INTS3: variants seen among roughly 807,000 people sequenced by gnomAD.
The protein encoded by INTS3 is SOSS complex subunit A.
A neutral mutation model predicts 146.3 loss-of-function variants in INTS3; 34 were observed. The observed-to-expected ratio is 0.23, with a 90% CI of 0.18 to 0.31. The LOEUF is 0.31. INTS3 is among the 10% of genes least tolerant of loss of function. The pLI is 1.00. For missense variants in INTS3, 757 were observed against 1,304.2 expected, an observed-to-expected ratio of 0.58 and a Z score of 6.46; for synonymous variants, 475 against 494.9, an observed-to-expected ratio of 0.96 and a Z score of 0.53.
intron 3 of INTS3, 98 bp downstream of exon 3, chr1:153,741,466 C>G: frequency 1.1e-6 from 1 of 892,988 alleles, no homozygotes; most frequent in South Asian, 1.3e-5. Flanking sequence ...AACTCTTCGA[C>G]CAGAGCTGGA....
Position 153,767,831 on chromosome 1 carries a change from A to G in INTS3, c.2244+4A>G, listed in dbSNP as rs144109967. On this transcript the variant is annotated splice_donor_region_variant and intron_variant, in intron 21 of 29. Transcript: ENST00000318967. ...CACGCCCTCCATCTACACAGAGGTC[A>G]GTGCCTGCATCCGTATCTGTGCCGG... 8.7e-6 allele frequency: 14 copies of G among 1,603,102 alleles called. No homozygotes were observed. The East Asian group carries it at 2.9e-4, about 33-fold the overall frequency.
chr1:153,760,414 T>G, intron 12 of INTS3, 24 bp downstream of exon 12: 1 of 1,587,988 alleles, frequency 6.3e-7, no homozygotes, highest in Non-Finnish European at 8.6e-7. Context: ...CTCTCTTTTC[T>G]CCCCATGCCT....
At chr1:153,747,107 G>C in intron 4 of INTS3, 37 bp downstream of exon 4, 1 of 1,465,322 alleles carries the variant, frequency 6.8e-7, no homozygotes, top group Non-Finnish European at 9.6e-7. Flanking sequence ...CCAGCTCAAA[G>C]AGAGAGGATG....
At chr1:153,769,395 C>T (rs1410520277) in intron 22 of INTS3, among the ~76,000 whole-genome samples, 1 of 152,132 alleles carries the variant, frequency 6.6e-6, no homozygotes, top group Admixed American at 6.5e-5. Context: ...TCCTCCTCTC[C>T]ACTTAGTTCT....
rs933936431 is a variant in INTS3 at position 153,772,810 on chromosome 1, T to C, written c.2894+99T>C. 6.3e-7 allele frequency: 1 copy of C among 1,579,566 alleles called. No homozygotes were observed. Among genetic ancestry groups the C allele is most frequent in the Non-Finnish European group, 8.6e-7 (1 of 1,159,716 alleles). On this transcript the variant is annotated intron_variant, in intron 28 of 29. Coordinates refer to ENST00000318967, the MANE Select transcript of INTS3 (RefSeq NM_023015.5). The surrounding 1 kb of genome is among the most constrained non-coding windows in gnomAD (Gnocchi z 4.6). ...CATAAACGTAATGGCCAGCAAGACC[T>C]TAGGGTCCAGGGTTGAAGAAAAAGA... is the stretch of plus-strand genomic sequence containing the variant.
At chr1:153,754,788 T>A (rs1182292780) in intron 9 of INTS3, 49 bp downstream of exon 9, 1 of 1,220,638 alleles carries the variant, frequency 8.2e-7, no homozygotes, top group South Asian at 1.2e-5. Flanking sequence ...CTGGCTGGGC[T>A]TCTTGCTTCG....
chr1:153,747,170 A>C (rs530173247), intron 4 of INTS3, 100 bp downstream of exon 4: 1 of 1,262,334 alleles, frequency 7.9e-7, no homozygotes, highest in East Asian at 2.3e-5. Context: ...ACACACCCCT[A>C]TCATTGTGTG....
chr1:153,734,139 C>T (rs1671197629), intron 1 of INTS3, among the ~76,000 whole-genome samples: 1 of 151,830 alleles, frequency 6.6e-6, no homozygotes, highest in Admixed American at 6.6e-5. Flanking sequence ...AATATTTACT[C>T]AGCTCTCTAA....
In INTS3 at chr1:153,760,910, G is replaced by A. The variant is rs1249828909; in HGVS notation, c.1401G>A (p.Arg467=). ...CCCTCAACCACATTGTGGAGAAACG[G>A]GTCTTGGCGTAAGGAATTTGGTGGG... ...FSSLNHIVEK[R]VLAHLAPLFD... The change falls in exon 13 of 30, where the codon CGG becomes CGA. Residue 467 remains arginine, a synonymous_variant. Coordinates refer to ENST00000318967, the MANE Select transcript of INTS3 (RefSeq NM_023015.5). 1.2e-6 allele frequency: 2 copies of A among 1,613,904 alleles called. No individual in the cohort carries two copies. The highest frequency in any genetic ancestry group is 1.7e-5 in the Admixed American group (1 of 60,024).
intron 3 of INTS3, among the ~76,000 whole-genome samples, chr1:153,742,478 C>CTGTGTGTGTGTG (rs35008806): frequency 0.011 from 1,671 of 147,528 alleles, 16 homozygotes; most frequent in Middle Eastern, 0.017. Flanking sequence ...TTTTTAATCT[C>CTGTGTGTGTGTG]TGTGTGTGTG....
At chr1:153,755,788 C>T (rs1403700495) in intron 9 of INTS3, among the ~76,000 whole-genome samples, 1 of 152,132 alleles carries the variant, frequency 6.6e-6, no homozygotes, top group Non-Finnish European at 1.5e-5. Flanking sequence ...CCTGTAAACC[C>T]AGCACTTTGG....
chr1:153,771,281 A>ACCTTTCTGCCTTCCTTCCAC (rs1553240961), intron 25 of INTS3, among the ~76,000 whole-genome samples: 1 of 151,936 alleles, frequency 6.6e-6, no homozygotes, highest in Non-Finnish European at 1.5e-5. Context: ...TATCCTTCCT[A>ACCTTTCTGCCTTCCTTCCAC]CCTTTCTGCC....
rs1032582958 is a variant in INTS3, at chr1:153,728,168, C to T, written c.-467C>T. 2.8e-5 allele frequency: 11 copies of T among 397,758 alleles called. No homozygotes were observed. Among genetic ancestry groups the T allele is most frequent in the Admixed American group, 4.4e-5 (1 of 22,666 alleles). 24.6% of individuals were successfully genotyped at this position (397,758 alleles called of 1,614,324 possible). ...ACCCTCACCCCCTAGGGGCCGGATC[C>T]AAAGGCGCTGCACTCCCCAAGCCTT... On this transcript the variant is annotated 5_prime_UTR_variant, in exon 1 of 30. Coordinates refer to ENST00000318967, the MANE Select transcript of INTS3 (RefSeq NM_023015.5).
At position 153,763,265 on chromosome 1, in the gene INTS3, A is replaced by G; in HGVS notation, c.1669A>G (p.Lys557Glu). The G allele has an allele frequency of 6.2e-7, 1 of 1,614,118 alleles. No individual in the cohort carries two copies. Among genetic ancestry groups the G allele is most frequent in the Non-Finnish European group, 8.5e-7 (1 of 1,179,998 alleles). ...GAGGGAGTTTCGCTTCCACCCTATC[A>G]AGGAGACAGTTGTGGAGGAGCCAGT... ...KKREFRFHPI[K>E]ETVVEEPVDI... Residue 557 changes from lysine (K) to glutamate (E), a missense_variant, in exon 16 of 30, where the codon AAG (lysine) becomes GAG (glutamate). Coordinates refer to ENST00000318967, the MANE Select transcript of INTS3 (RefSeq NM_023015.5).
chr1:153,772,844 G>A lies in INTS3; in HGVS notation c.2895-81G>A. The A allele has an allele frequency of 6.3e-7, 1 of 1,598,588 alleles. No homozygotes were observed. Among genetic ancestry groups the A allele is most frequent in the Non-Finnish European group, 8.6e-7 (1 of 1,169,234 alleles). On this transcript the variant is annotated intron_variant, in intron 28 of 29. Coordinates refer to ENST00000318967, the MANE Select transcript of INTS3 (RefSeq NM_023015.5). The surrounding 1 kb of genome is among the most constrained non-coding windows in gnomAD (Gnocchi z 4.6). ...AGGGTTGAAGAAAAAGAAGGCCTAG[G>A]CCTGGGGGCAGAGAAGAGGATGGGA...
At chr1:153,771,571 A>G (rs2101832792) in intron 25 of INTS3, among the ~76,000 whole-genome samples, 2 of 152,116 alleles carry the variant, frequency 1.3e-5, no homozygotes, top group South Asian at 4.2e-4. Context: ...CAACACACAC[A>G]CGCACACGCC....
intron 10 of INTS3, among the ~76,000 whole-genome samples, chr1:153,758,203 A>C (rs1015658163): frequency 1.3e-5 from 2 of 151,982 alleles, no homozygotes; most frequent in Non-Finnish European, 2.9e-5. Context: ...TTCCTTTCAA[A>C]TGTTTTCCTC....
chr1:153,743,666 A>G (rs1671620354), intron 3 of INTS3, among the ~76,000 whole-genome samples: 1 of 152,054 alleles, frequency 6.6e-6, no homozygotes, highest in African/African-American at 2.4e-5. Flanking sequence ...CTTTGAGTTT[A>G]TTTATTTTCT....
At chr1:153,733,900 G>A (rs1403230305) in intron 1 of INTS3, among the ~76,000 whole-genome samples, 2 of 152,162 alleles carry the variant, frequency 1.3e-5, no homozygotes, top group African/African-American at 2.4e-5. Flanking sequence ...ACCACACCCA[G>A]CCACTGTATG....
Sources: allele counts gnomAD v4.1 joint callset (sites outside exome capture counted in the v4.1 genomes callset), GRCh38; gene constraint gnomAD v4.1.1; non-coding constraint Gnocchi (gnomAD v3.1); transcripts MANE v1.5; gene names NCBI Gene and HGNC (gene_info 2026-07-23, HGNC 2026-07-21).